NMNAT3: variants seen among roughly 807,000 people sequenced by gnomAD.
NMNAT3 encodes the protein nicotinamide nucleotide adenylyltransferase 3, also known as nicotinamide/nicotinic acid mononucleotide adenylyltransferase 3.
In NMNAT3, 21 loss-of-function variants were observed where a neutral mutation model predicts 24.8. That is an observed-to-expected ratio of 0.85 (90% confidence interval 0.60 to 1.22). NMNAT3 has a LOEUF of 1.22. NMNAT3 is among the 50% of genes most tolerant of loss of function. The pLI, the probability that NMNAT3 is intolerant of heterozygous loss-of-function variation, is 0.00. For missense variants in NMNAT3, 387 were observed against 436.6 expected, an observed-to-expected ratio of 0.89 and a Z score of 1.01; for synonymous variants, 136 against 155.2, an observed-to-expected ratio of 0.88 and a Z score of 0.92.
chr3:139,627,526 G>A, intron 3 of NMNAT3, 90 bp downstream of exon 4: 1 of 668,442 alleles, frequency 1.5e-6, no homozygotes, highest in South Asian at 2.0e-5. Flanking sequence ...AAATTGAGCT[G>A]TTTTAATAAT....
chr3:139,635,736 T>G (rs1474486904), intron 2 of NMNAT3: 2 of 152,258 alleles, frequency 1.3e-5, no homozygotes, highest in Non-Finnish European at 2.9e-5. Context: ...GGATAAAGTT[T>G]GCTGGCGACT....
chr3:139,596,931 TA>T (rs1378722745), intron 3 of NMNAT3, among the ~76,000 whole-genome samples: 10 of 30,606 alleles, frequency 3.3e-4, no homozygotes, highest in South Asian at 2.1e-3. Context: ...TATATATATA[TA>T]TATATATATA....
chr3:139,630,856 C>T (rs1166527945), intron 2 of NMNAT3, among the ~76,000 whole-genome samples: 2 of 151,810 alleles, frequency 1.3e-5, no homozygotes, highest in East Asian at 1.9e-4. Flanking sequence ...AGAGCAGCCT[C>T]GTGATGACTG....
chr3:139,573,012 C>T (rs1440918779), intron 6 of NMNAT3, among the ~76,000 whole-genome samples: 1 of 152,150 alleles, frequency 6.6e-6, no homozygotes, highest in Non-Finnish European at 1.5e-5. Flanking sequence ...ATGCATTTTG[C>T]CCTTGACACC....
At chr3:139,661,015 A>G (rs2057398007) in intron 1 of NMNAT3, among the ~76,000 whole-genome samples, 1 of 152,174 alleles carries the variant, frequency 6.6e-6, no homozygotes, top group African/African-American at 2.4e-5. Flanking sequence ...TTTTTGTATC[A>G]TAATACAGTA....
chr3:139,572,446 C>G (rs1189609784), intron 6 of NMNAT3, among the ~76,000 whole-genome samples: 2 of 152,068 alleles, frequency 1.3e-5, no homozygotes, highest in African/African-American at 2.4e-5. Context: ...TGCACAGCCC[C>G]CCAGACTGGC....
Position 139,579,026 on chromosome 3 carries a change from A to G in NMNAT3, c.421T>C (p.Ser141Pro). The G allele has an allele frequency of 6.2e-7, 1 of 1,614,006 alleles. No individual in the cohort carries two copies. The highest frequency in any genetic ancestry group is 8.5e-7 in the Non-Finnish European group (1 of 1,179,980). ...TTCCCATAGGTGTCGTTGACAGGAGAGATGATACCCTGGATGACCTGGTAC... is the reference window on the plus strand; with the variant it reads ...TTCCCATAGGTGTCGTTGACAGGAGGGATGATACCCTGGATGACCTGGTAC... The change falls in exon 5 of 7, where the codon TCT becomes CCT. Residue 141 changes from serine to proline, a missense_variant. Around this residue, in one of 3 missense-constraint regions of NMNAT3, gnomAD observed 323 missense variants for 345.2 expected, o/e 0.94. Coordinates refer to ENST00000643695, the MANE Select transcript of NMNAT3 (RefSeq NM_001320510.2).
At chr3:139,627,152 C>T (rs552946297) in intron 3 of NMNAT3, among the ~76,000 whole-genome samples, 115 of 152,230 alleles carry the variant, frequency 7.6e-4, no homozygotes, top group Non-Finnish European at 1.3e-3. Context: ...GCCCTATATA[C>T]AAGATTATTA....
rs1243578315 is a variant in NMNAT3, at chr3:139,579,031, A to G, written c.416T>C (p.Ile139Thr). 1.9e-6 allele frequency: 3 copies of G among 1,613,896 alleles called. No homozygotes were observed. Among genetic ancestry groups the G allele is most frequent in the Admixed American group, 1.7e-5 (1 of 59,996 alleles). Residue 139 changes from isoleucine (I) to threonine (T), a missense_variant, in exon 5 of 7, where the codon ATC becomes ACC. Coordinates refer to ENST00000643695, the MANE Select transcript of NMNAT3 (RefSeq NM_001320510.2). ...ATAGGTGTCGTTGACAGGAGAGATG[A>G]TACCCTGGATGACCTGGTACATTCC...
At chr3:139,616,715 C>A (rs2055519668) in intron 3 of NMNAT3, among the ~76,000 whole-genome samples, 1 of 152,158 alleles carries the variant, frequency 6.6e-6, no homozygotes, top group Non-Finnish European at 1.5e-5. Context: ...ACCCTCTCAT[C>A]AAAAATATTG....
chr3:139,599,488 T>C (rs760865687), intron 3 of NMNAT3: 98 of 686,340 alleles, frequency 1.4e-4, no homozygotes, highest in Non-Finnish European at 2.2e-4. Flanking sequence ...CAGGAGCAAC[T>C]GTCACAAGTG....
At chr3:139,581,893 T>C (rs539414869) in intron 4 of NMNAT3, among the ~76,000 whole-genome samples, 32 of 152,188 alleles carry the variant, frequency 2.1e-4, no homozygotes, top group African/African-American at 7.2e-4. Flanking sequence ...AATAAAGTTA[T>C]TTTTAAAAAC....
chr3:139,648,321 T>C (rs953909133), intron 1 of NMNAT3, among the ~76,000 whole-genome samples: 6 of 152,232 alleles, frequency 3.9e-5, no homozygotes, highest in African/African-American at 1.2e-4. Context: ...TGTGAGTCAA[T>C]TAAACCCCTT....
intron 6 of NMNAT3, chr3:139,569,232 G>A (rs1279616026): frequency 6.6e-6 from 1 of 151,744 alleles, no homozygotes; most frequent in Non-Finnish European, 1.5e-5. Context: ...GAGCCTATGT[G>A]TGTCTCTGCC....
chr3:139,674,998 G>T (rs73869370), intron 1 of NMNAT3, among the ~76,000 whole-genome samples: 1 of 152,126 alleles, frequency 6.6e-6, no homozygotes, highest in South Asian at 2.1e-4. Flanking sequence ...ACATGGGAAA[G>T]TCACACGAGC....
At chr3:139,635,119 T>G (rs1680196015) in intron 2 of NMNAT3, 1 of 152,236 alleles carries the variant, frequency 6.6e-6, no homozygotes, top group Non-Finnish European at 1.5e-5. Context: ...CCTTTGTCTT[T>G]CATTGTGTTT....
At chr3:139,635,038 A>G (rs2056449278) in intron 2 of NMNAT3, 1 of 152,216 alleles carries the variant, frequency 6.6e-6, no homozygotes, top group Non-Finnish European at 1.5e-5. Context: ...TAGAACTTTC[A>G]TGAGGGTTAT....
At chr3:139,674,077 GGA>G in intron 1 of NMNAT3, among the ~76,000 whole-genome samples, 1 of 152,262 alleles carries the variant, frequency 6.6e-6, no homozygotes, top group African/African-American at 2.4e-5. Context: ...ATGAAGACCA[GGA>G]TTTCACTGGG....
chr3:139,574,686 T>A (rs1939030038), intron 5 of NMNAT3, among the ~76,000 whole-genome samples: 2 of 152,206 alleles, frequency 1.3e-5, no homozygotes, highest in African/African-American at 4.8e-5. Flanking sequence ...TTTTGCTGAA[T>A]GACCCTGACA....
Sources: gnomAD v4.1 joint callset for allele counts (sites outside exome capture counted in the v4.1 genomes callset) on GRCh38, gnomAD v4.1.1 for gene constraint, gnomAD v4.1.1 regional missense constraint, MANE v1.5 for transcripts, NCBI Gene and HGNC (gene_info 2026-07-23, HGNC 2026-07-21) for gene names.